The following MLF1 variants were observed in gnomAD, a reference collection of about 807,000 sequenced individuals.
MLF1 encodes myelodysplasia-myeloid leukemia factor 1.
In MLF1, 37 loss-of-function variants were observed where a neutral mutation model predicts 38.3. The observed-to-expected ratio is 0.96, with a 90% CI of 0.74 to 1.27. The LOEUF (loss-of-function observed/expected upper bound fraction) is 1.27, where lower values mean the gene tolerates loss of function less well. Among genes scored for constraint, MLF1 ranks in the 50% most tolerant of loss-of-function variants. The pLI, the probability that MLF1 is intolerant of heterozygous loss-of-function variation, is 0.00. For synonymous variants in MLF1, 95 were observed against 106.5 expected (o/e 0.89, Z 0.66); for missense variants, 331 against 349.2 (o/e 0.95, Z 0.42).
intron 5 of MLF1, among the ~76,000 whole-genome samples, chr3:158,598,515 C>G (rs573646290): frequency 6.7e-6 from 1 of 148,816 alleles, no homozygotes; most frequent in East Asian, 2.0e-4. Context: ...CGAAAAGAAG[C>G]CTTTGTTTCA....
chr3:158,579,739 A>C (rs1011176315), intron 1 of MLF1, among the ~76,000 whole-genome samples: 1 of 152,224 alleles, frequency 6.6e-6, no homozygotes, highest in South Asian at 2.1e-4. Context: ...GAACAAATTT[A>C]GTATTTCTTG....
At chr3:158,578,226 C>A (rs1715765936) in intron 1 of MLF1, among the ~76,000 whole-genome samples, 2 of 152,060 alleles carry the variant, frequency 1.3e-5, no homozygotes, top group African/African-American at 2.4e-5. Flanking sequence ...TTTGCCACTA[C>A]CATGTATAAT....
At chr3:158,585,882 C>T (rs911155820) in intron 1 of MLF1, among the ~76,000 whole-genome samples, 5 of 152,152 alleles carry the variant, frequency 3.3e-5, no homozygotes, top group Non-Finnish European at 7.4e-5. Context: ...GCAATTTAAG[C>T]TGGGCGTGGT....
At chr3:158,585,468 TG>T (rs1560101440) in intron 1 of MLF1, among the ~76,000 whole-genome samples, 1 of 152,188 alleles carries the variant, frequency 6.6e-6, no homozygotes, top group African/African-American at 2.4e-5. Flanking sequence ...CTCTTTTCTT[TG>T]TAAATTACCC....
chr3:158,592,686 TTGTTCTAGAA>T, intron 2 of MLF1, 105 bp downstream of exon 2: 1 of 974,350 alleles, frequency 1.0e-6, no homozygotes, highest in Non-Finnish European at 1.5e-6. Context: ...ACTAATATTC[TTGTTCTAGAA>T]ATCACTATTA....
chr3:158,602,678 A>G (rs1576693760), intron 6 of MLF1, 129 bp from the exon 7 acceptor site: 2 of 749,474 alleles, frequency 2.7e-6, no homozygotes, highest in East Asian at 5.7e-5. Context: ...TATTTGAAGC[A>G]GCTTCCTGCC....
At chr3:158,578,380 AGTGTGT>A (rs113149645) in intron 1 of MLF1, among the ~76,000 whole-genome samples, 6 of 149,380 alleles carry the variant, frequency 4.0e-5, no homozygotes, top group African/African-American at 4.9e-5. Flanking sequence ...AGGCAAAATA[AGTGTGT>A]GTGTGTGTGT....
intron 3 of MLF1, among the ~76,000 whole-genome samples, chr3:158,594,897 C>A (rs1255508477): frequency 6.6e-6 from 1 of 152,100 alleles, no homozygotes; most frequent in Non-Finnish European, 1.5e-5. Context: ...TTTGAGGCAT[C>A]TGTGAGTTTT....
chr3:158,592,314 C>T, intron 1 of MLF1, 120 bp from the exon 2 acceptor site: 1 of 761,034 alleles, frequency 1.3e-6, no homozygotes, highest in Non-Finnish European at 2.0e-6. Flanking sequence ...GAGTTCTCTT[C>T]TACTCTTCTT....
intron 1 of MLF1, chr3:158,590,692 A>T: frequency 2.4e-6 from 1 of 422,594 alleles, no homozygotes; most frequent in Non-Finnish European, 4.6e-6. Flanking sequence ...CCAAACTATA[A>T]TGACAGAAAG....
chr3:158,571,343 T>G lies in MLF1; in HGVS notation c.43T>G (p.Phe15Val). Residue 15 changes from phenylalanine to valine, a missense_variant, in exon 1 of 8, where the codon TTC becomes GTC. Phe to Val is a conservative substitution (Grantham distance 50). Transcript: ENST00000466246. Reference sequence around the variant, plus strand: ...CAGCAGTTTTGAGGATGACCCCTTCTTCTCGTGAGTTACGGGAGCCAGGAG... The same window carrying G: ...CAGCAGTTTTGAGGATGACCCCTTCGTCTCGTGAGTTACGGGAGCCAGGAG... ...LNSSFEDDPF[F>V]SESILAHREN... 1 of 1,613,146 alleles carries G rather than the reference T, an allele frequency of 6.2e-7. No individual in the cohort carries two copies. Among genetic ancestry groups the G allele is most frequent in the Non-Finnish European group, 8.5e-7 (1 of 1,179,916 alleles).
At chr3:158,591,742 A>C (rs1042655076) in intron 1 of MLF1, among the ~76,000 whole-genome samples, 4 of 152,164 alleles carry the variant, frequency 2.6e-5, no homozygotes, top group Admixed American at 6.5e-5. Flanking sequence ...CACTGTGATA[A>C]GGTAAAAAAA....
chr3:158,585,107 A>G (rs1717061281), intron 1 of MLF1, among the ~76,000 whole-genome samples: 1 of 151,944 alleles, frequency 6.6e-6, no homozygotes. Context: ...TGACCCTCAG[A>G]ATGTCATGTT....
At chr3:158,584,900 C>A (rs1442983567) in intron 1 of MLF1, among the ~76,000 whole-genome samples, 1 of 151,552 alleles carries the variant, frequency 6.6e-6, no homozygotes, top group Admixed American at 6.6e-5. Flanking sequence ...TAGCCAGGCA[C>A]AGTGGTGCAC....
Position 158,596,933 on chromosome 3 carries a change from A to G in MLF1, c.312A>G (p.Leu104=). 1 of 1,603,064 alleles carries G rather than the reference A, an allele frequency of 6.2e-7. No individual in the cohort carries two copies. Among genetic ancestry groups the G allele is most frequent in the African/African-American group, 1.3e-5 (1 of 74,784 alleles). ...ATATGAGAAACTATATGCAGAAATTAGAAAGAAACTTCGTAAGTACTAAAA... is the reference window on the plus strand; with the variant it reads ...ATATGAGAAACTATATGCAGAAATTGGAAAGAAACTTCGTAAGTACTAAAA... The part of the protein sequence containing the change: ...VSNMRNYMQK[L]ERNFGQLSVD... The change falls in exon 4 of 8, where the codon TTA becomes TTG. Residue 104 remains leucine, a synonymous_variant. Transcript: ENST00000466246.
intron 1 of MLF1, 84 bp from the exon 2 acceptor site, chr3:158,592,350 A>C: frequency 8.1e-7 from 1 of 1,229,450 alleles, no homozygotes; most frequent in Non-Finnish European, 1.1e-6. Context: ...ATTAGCCCAA[A>C]ATAATTATTT....
At chr3:158,587,562 A>G (rs1174599406) in intron 1 of MLF1, among the ~76,000 whole-genome samples, 3 of 152,194 alleles carry the variant, frequency 2.0e-5, no homozygotes, top group Non-Finnish European at 2.9e-5. Context: ...AAAGTTAGAG[A>G]TACATGCTGC....
chr3:158,604,794 G>A (rs770885593), intron 7 of MLF1, among the ~76,000 whole-genome samples: 4 of 152,200 alleles, frequency 2.6e-5, no homozygotes, highest in Non-Finnish European at 4.4e-5. Flanking sequence ...GAGTAGCTGG[G>A]ACTACAGGCG....
intron 1 of MLF1, among the ~76,000 whole-genome samples, chr3:158,583,561 TAAA>T (rs1027854015): frequency 2.0e-5 from 3 of 152,044 alleles, no homozygotes; most frequent in Non-Finnish European, 4.4e-5. Flanking sequence ...GAAAGCTACT[TAAA>T]AAACAAATAA....
Sources: allele counts gnomAD v4.1 joint callset (sites outside exome capture counted in the v4.1 genomes callset), GRCh38; gene constraint gnomAD v4.1.1; transcripts MANE v1.5; gene names NCBI Gene and HGNC (gene_info 2026-07-23, HGNC 2026-07-21).